Variants in GJD2 observed in about 807,000 individuals in gnomAD.
GJD2 encodes the protein gap junction protein delta 2.
GJD2 carries 12 observed loss-of-function variants against 24.3 expected under a neutral mutation model. That is an observed-to-expected ratio of 0.49 (90% CI 0.32 to 0.80). The LOEUF is 0.80. Among genes scored for constraint, GJD2 ranks in the 30% least tolerant of loss-of-function variants. The probability of loss-of-function intolerance (pLI) is 0.04; values close to 1 mark genes in which losing one functional copy is unlikely to be tolerated. For missense variants in GJD2, 268 were observed against 402.4 expected (o/e 0.67, Z 2.86); for synonymous variants, 171 against 155.2 (o/e 1.10, Z -0.76).
Position 34,752,612 on chromosome 15 carries a change from G to A in GJD2, c.832C>T (p.Arg278Cys), listed in dbSNP as rs113904860. The change falls in exon 2 of 2, where the codon CGC becomes TGC. Residue 278 changes from arginine to cysteine, a missense_variant. This residue lies in a region of GJD2 where 115 missense variants were observed against 195.2 expected (regional missense o/e 0.59). Coordinates refer to ENST00000290374, the MANE Select transcript of GJD2 (RefSeq NM_020660.3). ...NLAELNHLGW[R>C]KIKLAVRGAQ... ...CCTCGCACAGCCAGCTTGATCTTGC[G>A]CCATCCCAGGTGGTTGAGTTCAGCC... 7 of 1,614,022 alleles carry A rather than the reference G, an allele frequency of 4.3e-6. No individual in the cohort carries two copies. Among genetic ancestry groups the A allele is most frequent in the Non-Finnish European group, 5.9e-6 (7 of 1,180,028 alleles).
chr15:34,753,372 C>T lies in GJD2; in HGVS notation c.72G>A (p.Arg24=), dbSNP rs1464039146. The part of the protein sequence containing the change: ...AVQQHSTMIG[R]ILLTVVVIFR... ...AGATCACCACCACAGTCAACAGGATCCTGAACGGAGGAAGAGGGAGGGAGA... is the reference window on the plus strand; with the variant it reads ...AGATCACCACCACAGTCAACAGGATTCTGAACGGAGGAAGAGGGAGGGAGA... The change falls in exon 2 of 2, where the codon AGG becomes AGA. Residue 24 remains arginine (R), a splice_region_variant and synonymous_variant. Transcript: ENST00000290374. 6.3e-7 allele frequency: 1 copy of T among 1,592,404 alleles called. No individual in the cohort carries two copies.
rs1242347839 is a variant in GJD2 at position 34,754,910 on chromosome 15, T to A, written c.-422A>T. On this transcript the variant is annotated 5_prime_UTR_variant, in exon 1 of 2. Transcript: ENST00000290374. The surrounding 1 kb of genome is among the most constrained non-coding windows in gnomAD (Gnocchi z 5.9). ...GTCCGAACACCGGCTCTGTTCCTGC[T>A]ACTTCAGCGGGCACCTGGCGCTCCG... The A allele has an allele frequency of 1.2e-5, 2 of 161,724 alleles. No homozygotes were observed. The highest frequency in any genetic ancestry group is 2.7e-5 in the Non-Finnish European group (2 of 74,600). 10.0% of individuals were successfully genotyped at this position (161,724 alleles called of 1,614,324 possible). A position where few individuals can be genotyped will look rare whatever the true frequency, so the allele number is the denominator to read the frequency against.
In GJD2 at chr15:34,754,167, G is replaced by A. The variant is rs997985081; in HGVS notation, c.71+251C>T. Among the ~76,000 whole-genome samples, 5 of 152,208 alleles carry A rather than the reference G, an allele frequency of 3.3e-5. No homozygotes were observed. Among genetic ancestry groups the A allele is most frequent in the Non-Finnish European group, 7.3e-5 (5 of 68,040 alleles). ...GCCAGCGGCTCCTTTTCTGATGTGG[G>A]AAGAGTGAAGCCCCAGTGGTGCTTG... On this transcript the variant is annotated intron_variant, in intron 1 of 1. Transcript: ENST00000290374. This position sits in a 1 kb window ranked among gnomAD's most constrained non-coding sequence, Gnocchi z 5.9.
At position 34,751,850 on chromosome 15, in the gene GJD2, TC is replaced by T. The variant is rs1359421075; in HGVS notation, c.*627del. The T allele has an allele frequency of 1.4e-5, 2 of 145,286 alleles. No individual in the cohort carries two copies. The highest frequency in any genetic ancestry group is 2.6e-5 in the African/African-American group (1 of 39,076). 9.0% of individuals were successfully genotyped at this position (145,286 alleles called of 1,614,324 possible). A position where few individuals can be genotyped will look rare whatever the true frequency, so the allele number is the denominator to read the frequency against. On this transcript the variant is annotated 3_prime_UTR_variant, in exon 2 of 2. Coordinates refer to ENST00000290374, the MANE Select transcript of GJD2 (RefSeq NM_020660.3). ...CGACTAAGGGCCAGTCAGATGGGGCTCTAATGAAAACCTCTGCCATGGCCGT... is the reference window on the plus strand; with the variant it reads ...CGACTAAGGGCCAGTCAGATGGGGCTTAATGAAAACCTCTGCCATGGCCGT...
chr15:34,754,796 G>C lies in GJD2; in HGVS notation c.-308C>G. On this transcript the variant is annotated 5_prime_UTR_variant, in exon 1 of 2. Coordinates refer to ENST00000290374, the MANE Select transcript of GJD2 (RefSeq NM_020660.3). The surrounding 1 kb of genome is among the most constrained non-coding windows in gnomAD (Gnocchi z 5.9). The stretch of plus-strand genomic sequence containing the variant: ...CGGACGCCGGGACGAGGGGCGGGGC[G>C]GGGTGGCAGCCTGCAGGTCCTCCAG... 1 of 307,390 alleles carries C rather than the reference G, an allele frequency of 3.3e-6. No individual in the cohort carries two copies. Among genetic ancestry groups the C allele is most frequent in the East Asian group, 7.3e-5 (1 of 13,704 alleles). 19.0% of individuals were successfully genotyped at this position (307,390 alleles called of 1,614,324 possible).
rs1039157755 is a variant in GJD2 at position 34,753,361 on chromosome 15, G to A, written c.83C>T (p.Thr28Ile). The change falls in exon 2 of 2, where the codon ACT (threonine) becomes ATT (isoleucine). Residue 28 changes from threonine (T) to isoleucine (I), a missense_variant. Physicochemically the swap from Thr to Ile is moderately conservative, Grantham distance 89. This residue lies in a region of GJD2 where 66 missense variants were observed against 129.5 expected (regional missense o/e 0.51). Transcript: ENST00000290374. The part of the protein sequence containing the change: ...HSTMIGRILL[T>I]VVVIFRILIV... ...GAGGATCCGGAAGATCACCACCACAGTCAACAGGATCCTGAACGGAGGAAG... is the reference window on the plus strand; with the variant it reads ...GAGGATCCGGAAGATCACCACCACAATCAACAGGATCCTGAACGGAGGAAG... 1 of 1,601,794 alleles carries A rather than the reference G, an allele frequency of 6.2e-7. No homozygotes were observed. Among genetic ancestry groups the A allele is most frequent in the African/African-American group, 1.3e-5 (1 of 74,934 alleles).
In GJD2 at chr15:34,754,607, C is replaced by T; in HGVS notation, c.-119G>A. The T allele has an allele frequency of 1.4e-6, 1 of 737,568 alleles. No individual in the cohort carries two copies. Among genetic ancestry groups the T allele is most frequent in the East Asian group, 2.6e-5 (1 of 38,280 alleles). The allele number at this position is 737,568 out of a possible 1,614,324, so 45.7% of individuals were successfully genotyped here. On this transcript the variant is annotated 5_prime_UTR_variant, in exon 1 of 2. Transcript: ENST00000290374. The surrounding 1 kb of genome is among the most constrained non-coding windows in gnomAD (Gnocchi z 5.9). ...GTGAATTGCCTCCCAATTAAAGAAG[C>T]AATTTTTTAAAAAATCCTCGAATCC...
rs1240824366 is a variant in GJD2 at position 34,753,239 on chromosome 15, G to C, written c.205C>G (p.Arg69Gly). The part of the protein sequence containing the change: ...QPGCNQACYD[R>G]AFPISHIRYW... ...CGTATGTGGGAGATGGGGAAGGCGC[G>C]GTCATAGCAGGCCTGGTTACAGCCG... The change falls in exon 2 of 2, where the codon CGC becomes GGC. Residue 69 changes from arginine to glycine, a missense_variant. Arg to Gly is a moderately radical substitution (Grantham distance 125, BLOSUM62 -2). Around this residue, in one of 3 missense-constraint regions of GJD2, gnomAD observed 66 missense variants for 129.5 expected, o/e 0.51. Transcript: ENST00000290374. 6.2e-7 allele frequency: 1 copy of C among 1,613,984 alleles called. No homozygotes were observed. The highest frequency in any genetic ancestry group is 8.5e-7 in the Non-Finnish European group (1 of 1,180,012).
Position 34,752,817 on chromosome 15 carries a change from C to T in GJD2, c.627G>A (p.Leu209=). The change falls in exon 2 of 2, where the codon CTG becomes CTA. Residue 209 remains leucine, a synonymous_variant. Transcript: ENST00000290374. The part of the protein sequence containing the change: ...YIIQVVFRNA[L]EIGFLVGQYF... ...ATTGGCCAACCAGGAACCCAATTTC[C>T]AGGGCATTTCGGAACACCACTTGGA... The T allele has an allele frequency of 6.2e-7, 1 of 1,614,162 alleles. No individual in the cohort carries two copies. The highest frequency in any genetic ancestry group is 1.1e-5 in the South Asian group (1 of 91,078).
rs1216463407 is a variant in GJD2, at chr15:34,754,013, T to C, written c.71+405A>G. Among the ~76,000 whole-genome samples, 4 of 152,212 alleles carry C rather than the reference T, an allele frequency of 2.6e-5. No homozygotes were observed. Among genetic ancestry groups the C allele is most frequent in the Non-Finnish European group, 4.4e-5 (3 of 68,028 alleles). On this transcript the variant is annotated intron_variant, in intron 1 of 1. Transcript: ENST00000290374. The surrounding 1 kb of genome is among the most constrained non-coding windows in gnomAD (Gnocchi z 5.9). ...TTGTTGAGAAAAGAGGCATCTGCTC[T>C]GAAGAGCAAATCCATCTCCCCATTT...
In GJD2 at chr15:34,752,028, A is replaced by T. The variant is rs148186107; in HGVS notation, c.*450T>A. On this transcript the variant is annotated 3_prime_UTR_variant, in exon 2 of 2. Coordinates refer to ENST00000290374, the MANE Select transcript of GJD2 (RefSeq NM_020660.3). ...AGGGAAAGGGGCATGCTGGTGGGGG[A>T]GATACATGAAGAGTGCCTCAAGGAT... 44 of 140,114 alleles carry T rather than the reference A, an allele frequency of 3.1e-4. No homozygotes were observed. The East Asian group carries it at 9.3e-3, about 30-fold the overall frequency. 8.7% of individuals were successfully genotyped at this position (140,114 alleles called of 1,614,324 possible).
At position 34,751,329 on chromosome 15, in the gene GJD2, G is replaced by A. The variant is rs568906513; in HGVS notation, c.*1149C>T. On this transcript the variant is annotated 3_prime_UTR_variant, in exon 2 of 2. Coordinates refer to ENST00000290374, the MANE Select transcript of GJD2 (RefSeq NM_020660.3). ...CTCAAATAAGTCACCGTAAACACAC[G>A]TTAGCCAATAGTGTTTAGTTGCAGG... 5 of 152,280 alleles carry A rather than the reference G, an allele frequency of 3.3e-5. No homozygotes were observed. The highest frequency in any genetic ancestry group is 7.2e-5 in the African/African-American group (3 of 41,546). 9.4% of individuals were successfully genotyped at this position (152,280 alleles called of 1,614,324 possible).
chr15:34,753,584 G>C (rs936534291), intron 1 of GJD2, among the ~76,000 whole-genome samples: 4 of 152,062 alleles, frequency 2.6e-5, no homozygotes, highest in Admixed American at 2.6e-4. Flanking sequence ...TCATATTATA[G>C]AGATCCCAGG....
chr15:34,753,348 G>A lies in GJD2; in HGVS notation c.96C>T (p.Ile32=). 6.2e-7 allele frequency: 1 copy of A among 1,605,932 alleles called. No individual in the cohort carries two copies. The highest frequency in any genetic ancestry group is 8.5e-7 in the Non-Finnish European group (1 of 1,177,272). ...IGRILLTVVV[I]FRILIVAIVG... is the part of the protein sequence containing the mutation. ...CAATGGCCACAATGAGGATCCGGAAGATCACCACCACAGTCAACAGGATCC... is the reference window on the plus strand; with the variant it reads ...CAATGGCCACAATGAGGATCCGGAAAATCACCACCACAGTCAACAGGATCC... The change falls in exon 2 of 2, where the codon ATC becomes ATT. Residue 32 remains isoleucine (I), a synonymous_variant. Transcript: ENST00000290374.
chr15:34,753,594 G>A (rs1025498053), intron 1 of GJD2, among the ~76,000 whole-genome samples: 2 of 152,076 alleles, frequency 1.3e-5, no homozygotes, highest in East Asian at 3.9e-4. Flanking sequence ...GAGATCCCAG[G>A]TACACACATC....
Position 34,754,583 on chromosome 15 carries a change from T to G in GJD2, c.-95A>C. On this transcript the variant is annotated 5_prime_UTR_variant, in exon 1 of 2. Transcript: ENST00000290374. The surrounding 1 kb of genome is among the most constrained non-coding windows in gnomAD (Gnocchi z 5.9). ...CCGGGCCGCACTTCCAGAATGGGAG[T>G]GAATTGCCTCCCAATTAAAGAAGCA... 2.2e-6 allele frequency: 2 copies of G among 925,612 alleles called. No homozygotes were observed. The highest frequency in any genetic ancestry group is 3.6e-6 in the Non-Finnish European group (2 of 561,376). The allele number at this position is 925,612 out of a possible 1,614,324, so 57.3% of individuals were successfully genotyped here. A position where few individuals can be genotyped will look rare whatever the true frequency, so the allele number is the denominator to read the frequency against.
chr15:34,754,378 G>T lies in GJD2; in HGVS notation c.71+40C>A, dbSNP rs370496579. 5.9e-5 allele frequency: 89 copies of T among 1,503,774 alleles called. No homozygotes were observed. The African/African-American group carries it at 8.8e-4, about 15-fold the overall frequency. The allele number at this position is 1,503,774 out of a possible 1,614,324, so 93.2% of individuals were successfully genotyped here. Reference sequence around the variant, plus strand: ...GTGTGAGAAGGGACTCCCGGGGGCCGCCCGACGGGGCCCCCTGACCGCCGG... The same window carrying T: ...GTGTGAGAAGGGACTCCCGGGGGCCTCCCGACGGGGCCCCCTGACCGCCGG... On this transcript the variant is annotated intron_variant, in intron 1 of 1. Coordinates refer to ENST00000290374, the MANE Select transcript of GJD2 (RefSeq NM_020660.3). This position sits in a 1 kb window ranked among gnomAD's most constrained non-coding sequence, Gnocchi z 5.9.
chr15:34,752,485 T>C lies in GJD2; in HGVS notation c.959A>G (p.Tyr320Cys). Reference protein sequence around the residue: ...FGRTQSSDSAYV With the variant: ...FGRTQSSDSACV ...TTCATGAAACCTGCCCTCTCACACA[T>C]AGGCAGAGTCACTGGACTGAGTCCT... Residue 320 changes from tyrosine to cysteine, a missense_variant, in exon 2 of 2, where the codon TAT becomes TGT. By Grantham distance (194) the Tyr-to-Cys change is radical. This residue lies in a region of GJD2 where 115 missense variants were observed against 195.2 expected (regional missense o/e 0.59). Transcript: ENST00000290374. 6.2e-7 allele frequency: 1 copy of C among 1,613,638 alleles called. No homozygotes were observed. Among genetic ancestry groups the C allele is most frequent in the Non-Finnish European group, 8.5e-7 (1 of 1,179,654 alleles).
Position 34,752,903 on chromosome 15 carries a change from G to T in GJD2, c.541C>A (p.Leu181Ile), listed in dbSNP as rs1256117385. Residue 181 changes from leucine to isoleucine, a missense_variant, in exon 2 of 2, where the codon CTA (leucine) becomes ATA (isoleucine). This residue lies in a region of GJD2 where 115 missense variants were observed against 195.2 expected (regional missense o/e 0.59). Transcript: ENST00000290374. ...VKELTPHPSG[L>I]RTASKSKLRR... Reference sequence around the variant, plus strand: ...AGCTTGGATTTTGATGCAGTGCGTAGACCTGATGGGTGTGGAGTCAGCTCC... The same window carrying T: ...AGCTTGGATTTTGATGCAGTGCGTATACCTGATGGGTGTGGAGTCAGCTCC... The T allele has an allele frequency of 1.9e-6, 3 of 1,614,032 alleles. No homozygotes were observed. The highest frequency in any genetic ancestry group is 2.5e-6 in the Non-Finnish European group (3 of 1,180,008).
Sources: allele counts gnomAD v4.1 joint callset (sites outside exome capture counted in the v4.1 genomes callset), GRCh38; gene constraint gnomAD v4.1.1; regional missense constraint gnomAD v4.1.1; non-coding constraint Gnocchi (gnomAD v3.1); transcripts MANE v1.5; gene names NCBI Gene and HGNC (gene_info 2026-07-23, HGNC 2026-07-21).